The following SLCO1A2 variants were observed in gnomAD, a reference collection of about 807,000 sequenced individuals.
SLCO1A2 encodes the protein solute carrier organic anion transporter family member 1A2.
A neutral mutation model predicts 69.0 loss-of-function variants in SLCO1A2; 67 were observed. The ratio of observed to expected loss-of-function variants is 0.97; its 90% CI spans 0.80 to 1.19. The LOEUF (loss-of-function observed/expected upper bound fraction) is 1.19. Among genes scored for constraint, SLCO1A2 ranks in the 50% most tolerant of loss-of-function variants. The pLI, the probability that SLCO1A2 is intolerant of heterozygous loss-of-function variation, is 0.00. For missense variants in SLCO1A2, 787 were observed against 793.7 expected (o/e 0.99, Z 0.10); for synonymous variants, 260 against 265.9 (o/e 0.98, Z 0.22).
intron 2 of SLCO1A2, among the ~76,000 whole-genome samples, chr12:21,369,324 C>T (rs530950510): frequency 4.6e-5 from 7 of 152,234 alleles, no homozygotes; most frequent in African/African-American, 1.7e-4. Flanking sequence ...TCTAACTCCT[C>T]AGCAACCACC....
At chr12:21,414,033 C>T (rs1455137469) in intron 1 of SLCO1A2, among the ~76,000 whole-genome samples, 2 of 152,142 alleles carry the variant, frequency 1.3e-5, no homozygotes, top group South Asian at 2.1e-4. Flanking sequence ...TAGATTTAGG[C>T]GAATGCTGTA....
chr12:21,274,803 T>C lies in SLCO1A2; in HGVS notation c.1676-217A>G, dbSNP rs377053528. 33 of 690,340 alleles carry C rather than the reference T, an allele frequency of 4.8e-5. No homozygotes were observed. In the East Asian group the frequency reaches 5.9e-4, roughly 12 times the overall value. 42.8% of individuals were successfully genotyped at this position (690,340 alleles called of 1,614,324 possible). A position where few individuals can be genotyped will look rare whatever the true frequency, so the allele number is the denominator to read the frequency against. Reference sequence around the variant, plus strand: ...TTATGGTCAAATGCAACATAATTATTAGTAGAGTAAAACATTGAATTAAAG... The same window carrying C: ...TTATGGTCAAATGCAACATAATTATCAGTAGAGTAAAACATTGAATTAAAG... On this transcript the variant is annotated intron_variant, in intron 13 of 14. Coordinates refer to ENST00000683939, the MANE Select transcript of SLCO1A2 (RefSeq NM_001386879.1).
chr12:21,377,291 A>C (rs1940269464), intron 1 of SLCO1A2, among the ~76,000 whole-genome samples: 1 of 152,204 alleles, frequency 6.6e-6, no homozygotes, highest in Non-Finnish European at 1.5e-5. Context: ...CTCACACTGC[A>C]ATAGAGTACC....
At chr12:21,353,109 C>G (rs1478611269) in intron 2 of SLCO1A2, among the ~76,000 whole-genome samples, 1 of 152,162 alleles carries the variant, frequency 6.6e-6, no homozygotes, top group African/African-American at 2.4e-5. Flanking sequence ...ATACACATTA[C>G]TGCTTAAAAC....
intron 2 of SLCO1A2, among the ~76,000 whole-genome samples, chr12:21,356,378 A>C (rs1938363498): frequency 6.6e-6 from 1 of 151,982 alleles, no homozygotes; most frequent in African/African-American, 2.4e-5. Flanking sequence ...TTTCAGATTA[A>C]CTCCCAAAAC....
intron 2 of SLCO1A2, among the ~76,000 whole-genome samples, chr12:21,346,437 G>A (rs1343864045): frequency 6.6e-6 from 1 of 151,126 alleles, no homozygotes; most frequent in Non-Finnish European, 1.5e-5. Context: ...TTTGTGTTCA[G>A]AAAAATGTCC....
chr12:21,368,878 ATCT>A (rs992095877), intron 2 of SLCO1A2, among the ~76,000 whole-genome samples: 13 of 152,278 alleles, frequency 8.5e-5, no homozygotes, highest in East Asian at 5.8e-4. Context: ...GGAGAGCTGA[ATCT>A]TCTTCTTCTA....
intron 1 of SLCO1A2, among the ~76,000 whole-genome samples, chr12:21,407,244 G>A (rs1396611234): frequency 1.3e-5 from 2 of 152,164 alleles, no homozygotes; most frequent in Non-Finnish European, 2.9e-5. Context: ...AGCCCTTCAA[G>A]CGTGGGGATC....
chr12:21,406,034 A>C (rs1419955256), intron 1 of SLCO1A2, among the ~76,000 whole-genome samples: 1 of 152,216 alleles, frequency 6.6e-6, no homozygotes, highest in Non-Finnish European at 1.5e-5. Context: ...TGTTATAAGC[A>C]AAAGAGTCTA....
chr12:21,282,529 C>T (rs1413295727), intron 12 of SLCO1A2, among the ~76,000 whole-genome samples: 1 of 152,024 alleles, frequency 6.6e-6, no homozygotes, highest in Admixed American at 6.6e-5. Context: ...TAATCTGGGA[C>T]ATAACAAGGA....
In SLCO1A2 at chr12:21,291,214, AAT is replaced by A. The variant is rs1353756039; in HGVS notation, c.1610+948_1610+949del. On this transcript the variant is annotated intron_variant, in intron 12 of 14. Transcript: ENST00000683939. ...AAAATTACTCTAAATAGGACTGGTGAATTTATCTATGCATCTACCTTATGAAT... is the reference window on the plus strand; with the variant it reads ...AAAATTACTCTAAATAGGACTGGTGATTATCTATGCATCTACCTTATGAAT... Among the ~76,000 whole-genome samples, 14 of 152,236 alleles carry A rather than the reference AAT, an allele frequency of 9.2e-5. No homozygotes were observed. The East Asian group carries it at 2.5e-3, about 27-fold the overall frequency.
At chr12:21,384,896 G>A (rs930442498) in intron 1 of SLCO1A2, among the ~76,000 whole-genome samples, 20 of 151,620 alleles carry the variant, frequency 1.3e-4, no homozygotes, top group Non-Finnish European at 2.6e-4. Context: ...TTCCCGAGTA[G>A]CTGGGACTAC....
intron 6 of SLCO1A2, among the ~76,000 whole-genome samples, chr12:21,302,958 C>T (rs1346630766): frequency 6.6e-6 from 1 of 152,106 alleles, no homozygotes; most frequent in Non-Finnish European, 1.5e-5. Flanking sequence ...TCCCAAAGTG[C>T]TGGGATTACA....
intron 2 of SLCO1A2, among the ~76,000 whole-genome samples, chr12:21,365,220 T>C (rs527903872): frequency 2.0e-5 from 3 of 152,120 alleles, no homozygotes; most frequent in African/African-American, 2.4e-5. Flanking sequence ...TGGAACAGAA[T>C]AGAGCCCTCA....
At chr12:21,301,324 G>A in intron 6 of SLCO1A2, 55 bp from the exon 7 acceptor site, 2 of 1,169,694 alleles carry the variant, frequency 1.7e-6, no homozygotes, top group East Asian at 5.2e-5. Context: ...CACATAAAGA[G>A]TTCTAGGTCT....
intron 1 of SLCO1A2, among the ~76,000 whole-genome samples, chr12:21,415,418 T>G (rs1272254389): frequency 6.6e-6 from 1 of 152,098 alleles, no homozygotes; most frequent in Non-Finnish European, 1.5e-5. Context: ...ATTTCCTGGA[T>G]TTTTCTTCCT....
chr12:21,307,247 A>G (rs1949527955), intron 4 of SLCO1A2, among the ~76,000 whole-genome samples: 1 of 152,202 alleles, frequency 6.6e-6, no homozygotes, highest in Admixed American at 6.5e-5. Flanking sequence ...ATCAAATATC[A>G]ACTTTCTTTG....
chr12:21,385,044 C>T (rs566100331), intron 1 of SLCO1A2, among the ~76,000 whole-genome samples: 1 of 152,172 alleles, frequency 6.6e-6, no homozygotes, highest in South Asian at 2.1e-4. Context: ...GGATTACAGG[C>T]GTGAACCACT....
chr12:21,341,207 G>C (rs1199141126), intron 2 of SLCO1A2, among the ~76,000 whole-genome samples: 2 of 151,908 alleles, frequency 1.3e-5, no homozygotes, highest in Non-Finnish European at 1.5e-5. Context: ...CTCTCCACAG[G>C]TGTGTGTGGG....
Sources: gnomAD v4.1 joint callset for allele counts (sites outside exome capture counted in the v4.1 genomes callset) on GRCh38, gnomAD v4.1.1 for gene constraint, MANE v1.5 for transcripts, NCBI Gene and HGNC (gene_info 2026-07-23, HGNC 2026-07-21) for gene names.